The following R3HDM2 variants were observed in gnomAD, a reference collection of about 807,000 sequenced individuals.
The protein encoded by R3HDM2 is R3H domain-containing protein 2.
R3HDM2 carries 38 observed loss-of-function variants against 124.5 expected under a neutral mutation model. The ratio of observed to expected loss-of-function variants is 0.31; its 90% confidence interval spans 0.24 to 0.40. R3HDM2 has a LOEUF of 0.40. R3HDM2 is among the 10% of genes least tolerant of loss of function. The probability of loss-of-function intolerance (pLI) is 1.00; values close to 1 mark genes in which losing one functional copy is unlikely to be tolerated. For missense variants in R3HDM2, 869 were observed against 1,236.9 expected (o/e 0.70, Z 4.46); for synonymous variants, 391 against 448.0 (o/e 0.87, Z 1.61).
At chr12:57,403,798 GAC>G (rs2068267280) in intron 1 of R3HDM2, among the ~76,000 whole-genome samples, 1 of 145,720 alleles carries the variant, frequency 6.9e-6, no homozygotes, top group Non-Finnish European at 1.5e-5. Flanking sequence ...CAGCCTGGGC[GAC>G]AGAGTGAGAC....
intron 2 of R3HDM2, among the ~76,000 whole-genome samples, chr12:57,314,159 G>A (rs1419334307): frequency 1.3e-5 from 2 of 150,974 alleles, no homozygotes; most frequent in African/African-American, 4.9e-5. Context: ...TTGCAGTCCC[G>A]CCTGGGCAAC....
At chr12:57,425,994 G>T (rs763741790) in intron 1 of R3HDM2, among the ~76,000 whole-genome samples, 2 of 152,172 alleles carry the variant, frequency 1.3e-5, no homozygotes, top group Non-Finnish European at 2.9e-5. Flanking sequence ...TCGGGAGGCC[G>T]AGGCGGGCAG....
At chr12:57,263,240 G>C (rs970880535) in intron 19 of R3HDM2, among the ~76,000 whole-genome samples, 2 of 152,120 alleles carry the variant, frequency 1.3e-5, no homozygotes, top group Non-Finnish European at 2.9e-5. Flanking sequence ...GCACATACAA[G>C]TATACCTACA....
chr12:57,397,292 T>C (rs1220699076), intron 1 of R3HDM2, among the ~76,000 whole-genome samples: 1 of 152,176 alleles, frequency 6.6e-6, no homozygotes, highest in Non-Finnish European at 1.5e-5. Context: ...GGGCTGGCTG[T>C]TTAATCTATT....
chr12:57,425,689 T>C (rs1487334148), intron 1 of R3HDM2, among the ~76,000 whole-genome samples: 1 of 151,648 alleles, frequency 6.6e-6, no homozygotes, highest in Non-Finnish European at 1.5e-5. Context: ...ATCCAGCTAG[T>C]TGGGAGGTTG....
At chr12:57,267,116 C>T (rs2042602351) in intron 18 of R3HDM2, among the ~76,000 whole-genome samples, 2 of 152,152 alleles carry the variant, frequency 1.3e-5, no homozygotes, top group African/African-American at 2.4e-5. Context: ...GACACACATA[C>T]ATGCACATAT....
intron 12 of R3HDM2, among the ~76,000 whole-genome samples, chr12:57,287,586 G>A (rs2047633579): frequency 6.6e-6 from 1 of 152,112 alleles, no homozygotes; most frequent in Admixed American, 6.5e-5. Flanking sequence ...AGGACAACAG[G>A]GAAAGGACAA....
At chr12:57,383,008 T>A (rs1255270565) in intron 2 of R3HDM2, among the ~76,000 whole-genome samples, 1 of 152,020 alleles carries the variant, frequency 6.6e-6, no homozygotes, top group Non-Finnish European at 1.5e-5. Context: ...CTCAGCCTCC[T>A]GAATAGCTGG....
At position 57,391,221 on chromosome 12, in the gene R3HDM2, C is replaced by G. The variant is rs946127221; in HGVS notation, c.-36+4528G>C. Among the ~76,000 whole-genome samples, 5 of 152,042 alleles carry G rather than the reference C, an allele frequency of 3.3e-5. No individual in the cohort carries two copies. In the East Asian group the frequency reaches 9.6e-4, roughly 29 times the overall value. ...CAACAGGTGAATGATTAAGCAAATG[C>G]GTACAGCTACACCATGGAACGCTAC... On this transcript the variant is annotated intron_variant, in intron 2 of 23. Transcript: ENST00000402412.
chr12:57,375,073 C>T (rs1280212740), intron 2 of R3HDM2, among the ~76,000 whole-genome samples: 1 of 151,338 alleles, frequency 6.6e-6, no homozygotes, highest in Non-Finnish European at 1.5e-5. Flanking sequence ...AAAAAAATGA[C>T]CAGACCAGAC....
chr12:57,288,809 A>G, intron 12 of R3HDM2, 200 bp downstream of exon 12: 1 of 1,467,644 alleles, frequency 6.8e-7, no homozygotes, highest in East Asian at 2.5e-5. Context: ...CAGCAAAACA[A>G]AATAAAATTA....
chr12:57,390,254 G>C (rs1284270618), intron 2 of R3HDM2, among the ~76,000 whole-genome samples: 1 of 152,080 alleles, frequency 6.6e-6, no homozygotes. Flanking sequence ...GGCAGTGAAC[G>C]ATAGTGATTC....
At chr12:57,343,815 T>A (rs1020706735) in intron 2 of R3HDM2, among the ~76,000 whole-genome samples, 3 of 147,128 alleles carry the variant, frequency 2.0e-5, no homozygotes, top group Non-Finnish European at 4.5e-5. Flanking sequence ...CTGAGTGAGA[T>A]GAGAAGCCTT....
intron 2 of R3HDM2, among the ~76,000 whole-genome samples, chr12:57,339,756 G>A (rs11172169): frequency 0.46 from 69,062 of 151,726 alleles, 16,391 homozygotes; most frequent in Middle Eastern, 0.8. Flanking sequence ...GCTGTTAAGG[G>A]AGTGGGCTAG....
intron 2 of R3HDM2, among the ~76,000 whole-genome samples, chr12:57,330,792 G>A (rs1327424687): frequency 4.1e-5 from 6 of 146,990 alleles, no homozygotes; most frequent in Non-Finnish European, 6.0e-5. Flanking sequence ...TCCGCCTCCC[G>A]GGTTCACGCC....
intron 1 of R3HDM2, among the ~76,000 whole-genome samples, chr12:57,402,144 A>T (rs1836720020): frequency 6.6e-6 from 1 of 151,488 alleles, no homozygotes; most frequent in African/African-American, 2.4e-5. Context: ...AAAATACAAA[A>T]ATTAGCCAGA....
intron 2 of R3HDM2, among the ~76,000 whole-genome samples, chr12:57,357,539 A>G (rs1391721718): frequency 6.6e-6 from 1 of 151,660 alleles, no homozygotes; most frequent in Non-Finnish European, 1.5e-5. Flanking sequence ...TCTCATACAT[A>G]CCTAATACTG....
At chr12:57,341,287 C>T in intron 2 of R3HDM2, 1 of 546,316 alleles carries the variant, frequency 1.8e-6, no homozygotes, top group Non-Finnish European at 2.3e-6. Context: ...TAAAAGGAAA[C>T]AAACAAAATT....
intron 1 of R3HDM2, among the ~76,000 whole-genome samples, chr12:57,405,958 A>G (rs925748861): frequency 6.6e-6 from 1 of 152,150 alleles, no homozygotes; most frequent in African/African-American, 2.4e-5. Flanking sequence ...ATCACATCCA[A>G]AGGACATAGG....
Sources: allele counts gnomAD v4.1 joint callset (sites outside exome capture counted in the v4.1 genomes callset), GRCh38; gene constraint gnomAD v4.1.1; transcripts MANE v1.5; gene names NCBI Gene and HGNC (gene_info 2026-07-23, HGNC 2026-07-21).